SUSD6: variants seen among roughly 807,000 people sequenced by gnomAD.
SUSD6 encodes sushi domain containing 6, also known as sushi domain-containing protein 6.
SUSD6 carries 16 observed loss-of-function variants against 28.4 expected under a neutral mutation model. That is an observed-to-expected ratio of 0.56 (90% CI 0.38 to 0.86). The LOEUF (loss-of-function observed/expected upper bound fraction) is 0.86, where lower values mean the gene tolerates loss of function less well. Among genes scored for constraint, SUSD6 ranks in the 40% least tolerant of loss-of-function variants. SUSD6 has a pLI of 0.00. For synonymous variants in SUSD6, 147 were observed against 159.6 expected, an observed-to-expected ratio of 0.92 and a Z score of 0.59; for missense variants, 341 against 384.2, an observed-to-expected ratio of 0.89 and a Z score of 0.94.
chr14:69,653,864 G>T (rs1469222848), intron 1 of SUSD6, among the ~76,000 whole-genome samples: 1 of 143,364 alleles, frequency 7.0e-6, no homozygotes, highest in South Asian at 2.2e-4. Context: ...GATTTATACT[G>T]TGGCCCTTTC....
intron 2 of SUSD6, among the ~76,000 whole-genome samples, chr14:69,688,260 T>G (rs1227586470): frequency 6.6e-6 from 1 of 152,208 alleles, no homozygotes; most frequent in African/African-American, 2.4e-5. Context: ...TTGAATAAAA[T>G]TGGATTGTAT....
chr14:69,671,675 C>T (rs899939872), intron 2 of SUSD6, among the ~76,000 whole-genome samples: 4 of 152,134 alleles, frequency 2.6e-5, no homozygotes, highest in African/African-American at 9.7e-5. Context: ...GATTTGTCCT[C>T]TTGGATCAGG....
rs183727243 is a variant in SUSD6 at position 69,666,366 on chromosome 14, G to T, written c.121+7653G>T. Among the ~76,000 whole-genome samples, 188 of 152,206 alleles carry T rather than the reference G, an allele frequency of 1.2e-3. 2 individuals are homozygous for T. Among genetic ancestry groups the T allele is most frequent in the Non-Finnish European group, 1.9e-4 (13 of 68,012 alleles). ...GTATTTCAGAGCTGATATTCCTCAG[G>T]GATGCTATTTGTTAGGAACATTTGG... On this transcript the variant is annotated intron_variant, in intron 2 of 5. Transcript: ENST00000342745.
rs1885620404 is a variant in SUSD6, at chr14:69,658,701, G to A, written c.109G>A (p.Gly37Arg). ...LVILCTLLGD[G>R]LASVCPLPPE... Reference sequence around the variant, plus strand: ...GATCCTTTGCACCCTGCTTGGAGACGGACTTGCTTCCGGTAAGTCCTGACC... The same window carrying A: ...GATCCTTTGCACCCTGCTTGGAGACAGACTTGCTTCCGGTAAGTCCTGACC... Residue 37 changes from glycine to arginine, a missense_variant, in exon 2 of 6, where the codon GGA becomes AGA. Physicochemically the swap from Gly to Arg is moderately radical, Grantham distance 125. Coordinates refer to ENST00000342745, the MANE Select transcript of SUSD6 (RefSeq NM_014734.4). The A allele has an allele frequency of 1.2e-6, 2 of 1,613,846 alleles. No individual in the cohort carries two copies. The highest frequency in any genetic ancestry group is 1.7e-6 in the Non-Finnish European group (2 of 1,179,918).
chr14:69,671,262 G>A lies in SUSD6; in HGVS notation c.121+12549G>A, dbSNP rs531649631. Among the ~76,000 whole-genome samples the A allele has an allele frequency of 2.0e-5, 3 of 152,380 alleles. No homozygotes were observed. The South Asian group carries it at 6.2e-4, about 32-fold the overall frequency. ...GAATGAGTCTAAACAGGAAAGGAAA[G>A]AGGGTTGGAAGGAGGATGTTAATTT... On this transcript the variant is annotated intron_variant, in intron 2 of 5. Coordinates refer to ENST00000342745, the MANE Select transcript of SUSD6 (RefSeq NM_014734.4).
intron 2 of SUSD6, 62 bp downstream of exon 2, chr14:69,658,775 G>A (rs974421590): frequency 1.2e-5 from 19 of 1,607,010 alleles, no homozygotes; most frequent in South Asian, 1.1e-4. Flanking sequence ...TGTTTCTCTC[G>A]AAGACTAGGA....
At chr14:69,679,321 G>C (rs1218688683) in intron 2 of SUSD6, among the ~76,000 whole-genome samples, 1 of 152,180 alleles carries the variant, frequency 6.6e-6, no homozygotes, top group Admixed American at 6.5e-5. Context: ...GTTTACAGAA[G>C]CTATATGGCA....
chr14:69,649,003 T>TCAAGGTC (rs1885466859), intron 1 of SUSD6, among the ~76,000 whole-genome samples: 1 of 152,180 alleles, frequency 6.6e-6, no homozygotes, highest in Non-Finnish European at 1.5e-5. Flanking sequence ...GTGCATGGGT[T>TCAAGGTC]CAAGGTCCAA....
chr14:69,617,814 A>T (rs1336187659), intron 1 of SUSD6, among the ~76,000 whole-genome samples: 4 of 152,072 alleles, frequency 2.6e-5, no homozygotes, highest in African/African-American at 9.7e-5. Context: ...TAGGTTGGGG[A>T]GTGGAATGCT....
In SUSD6 at chr14:69,614,087, A is replaced by T. The variant is rs749323450; in HGVS notation, c.-81+2259A>T. 2.6e-5 allele frequency among the ~76,000 whole-genome samples: 4 copies of T among 151,522 alleles called. 1 individual carries two copies. The highest frequency in any genetic ancestry group is 4.4e-5 in the Non-Finnish European group (3 of 67,932). On this transcript the variant is annotated intron_variant, in intron 1 of 5. Transcript: ENST00000342745. Reference sequence around the variant, plus strand: ...TCTTTTTTATTTTTTATTTTTTTTGAGATGGAGTCTCGCTCTGTCACCCGG... The same window carrying T: ...TCTTTTTTATTTTTTATTTTTTTTGTGATGGAGTCTCGCTCTGTCACCCGG...
chr14:69,670,969 T>C (rs1885823086), intron 2 of SUSD6, among the ~76,000 whole-genome samples: 1 of 152,270 alleles, frequency 6.6e-6, no homozygotes, highest in Non-Finnish European at 1.5e-5. Context: ...TGGTGGAGTA[T>C]GTTCAGTAGC....
chr14:69,622,733 A>G (rs954225066), intron 1 of SUSD6, among the ~76,000 whole-genome samples: 3 of 152,026 alleles, frequency 2.0e-5, no homozygotes, highest in Admixed American at 6.6e-5. Context: ...AGCTGGGATT[A>G]CAGGCGCCCA....
chr14:69,708,789 C>T lies in SUSD6; in HGVS notation c.571C>T (p.Pro191Ser), dbSNP rs752430388. The T allele has an allele frequency of 6.2e-7, 1 of 1,614,180 alleles. No individual in the cohort carries two copies. Among genetic ancestry groups the T allele is most frequent in the Non-Finnish European group, 8.5e-7 (1 of 1,180,032 alleles). ...VYGSSGHCVP[P>S]ADPRVQIVLS... ...TGGCAGTTCTGGTCACTGTGTGCCA[C>T]CTGCTGACCCCAGAGTACAGATTGT... The change falls in exon 5 of 6, where the codon CCT becomes TCT. Residue 191 changes from proline (P) to serine (S), a missense_variant. Coordinates refer to ENST00000342745, the MANE Select transcript of SUSD6 (RefSeq NM_014734.4).
intron 2 of SUSD6, among the ~76,000 whole-genome samples, chr14:69,685,056 A>G (rs1316586500): frequency 6.6e-6 from 1 of 152,254 alleles, no homozygotes; most frequent in South Asian, 2.1e-4. Flanking sequence ...CAGAAGTCAC[A>G]GTGGGAAATT....
At chr14:69,679,826 T>C (rs1277411433) in intron 2 of SUSD6, among the ~76,000 whole-genome samples, 2 of 152,332 alleles carry the variant, frequency 1.3e-5, no homozygotes, top group East Asian at 3.8e-4. Context: ...TTCATAAAGA[T>C]GGGCTTTTAT....
At position 69,645,640 on chromosome 14, in the gene SUSD6, A is replaced by C. The variant is rs188529353; in HGVS notation, c.-80-12873A>C. On this transcript the variant is annotated intron_variant, in intron 1 of 5. Coordinates refer to ENST00000342745, the MANE Select transcript of SUSD6 (RefSeq NM_014734.4). ...AACTCAAATCATTGGGTTAATTGAG[A>C]AGGTATACCTTATAAGACACAAACC... Among the ~76,000 whole-genome samples the C allele has an allele frequency of 2.0e-3, 304 of 152,258 alleles. 2 individuals are homozygous for C. Among genetic ancestry groups the C allele is most frequent in the Admixed American group, 8.5e-3 (130 of 15,294 alleles).
At chr14:69,703,743 T>G (rs1886345999) in intron 3 of SUSD6, 151 bp downstream of exon 3, 5 of 685,778 alleles carry the variant, frequency 7.3e-6, no homozygotes, top group South Asian at 7.1e-5. Context: ...TGGGTCTTCA[T>G]GTCTTTGTGG....
At chr14:69,635,726 A>T (rs1470661455) in intron 1 of SUSD6, among the ~76,000 whole-genome samples, 1 of 152,124 alleles carries the variant, frequency 6.6e-6, no homozygotes, top group East Asian at 1.9e-4. Context: ...CCTTTGTTGT[A>T]CGAGACCAAA....
In SUSD6 at chr14:69,711,134, C is replaced by G. The variant is rs939513619; in HGVS notation, c.*155C>G. 1 of 685,688 alleles carries G rather than the reference C, an allele frequency of 1.5e-6. No homozygotes were observed. Among genetic ancestry groups the G allele is most frequent in the African/African-American group, 1.8e-5 (1 of 55,608 alleles). The allele number at this position is 685,688 out of a possible 1,614,324, so 42.5% of individuals were successfully genotyped here. ...ATCTCTGAGGGCCCTATAGGCCCAC[C>G]TTGCTGGAAACTCAAGGAAGATTCT... On this transcript the variant is annotated 3_prime_UTR_variant, in exon 6 of 6. Coordinates refer to ENST00000342745, the MANE Select transcript of SUSD6 (RefSeq NM_014734.4).
Sources: gnomAD v4.1 joint callset for allele counts (sites outside exome capture counted in the v4.1 genomes callset) on GRCh38, gnomAD v4.1.1 for gene constraint, MANE v1.5 for transcripts, NCBI Gene and HGNC (gene_info 2026-07-23, HGNC 2026-07-21) for gene names.